ICE1: variants seen among roughly 807,000 people sequenced by gnomAD.
ICE1 encodes the protein interactor of little elongation complex ELL subunit 1.
In ICE1, 64 loss-of-function variants were observed where a neutral mutation model predicts 192.7. That is an observed-to-expected ratio of 0.33 (90% confidence interval 0.27 to 0.41). The LOEUF is 0.41. Ranked by LOEUF, ICE1 falls within the 10% of genes least tolerant of loss-of-function variation. ICE1 has a pLI of 1.00. For synonymous variants in ICE1, 1,010 were observed against 984.5 expected, an observed-to-expected ratio of 1.03 and a Z score of -0.49; for missense variants, 2,708 against 2,696.0, an observed-to-expected ratio of 1.00 and a Z score of -0.10.
intron 16 of ICE1, among the ~76,000 whole-genome samples, chr5:5,475,761 A>G (rs1739288200): frequency 6.6e-6 from 1 of 152,240 alleles, no homozygotes; most frequent in Non-Finnish European, 1.5e-5. Flanking sequence ...ACAAGATGCA[A>G]GCACTGAATT....
intron 16 of ICE1, among the ~76,000 whole-genome samples, chr5:5,474,209 CAA>C (rs199608820): frequency 5.8e-5 from 7 of 120,544 alleles, no homozygotes; most frequent in Non-Finnish European, 1.8e-5. Context: ...GACTTCATCT[CAA>C]AAAAAAAAAA....
Position 5,462,581 on chromosome 5 carries a change from C to G in ICE1, c.3247C>G (p.Gln1083Glu), listed in dbSNP as rs772904786. 1.2e-6 allele frequency: 2 copies of G among 1,613,994 alleles called. No individual in the cohort carries two copies. Among genetic ancestry groups the G allele is most frequent in the Non-Finnish European group, 1.7e-6 (2 of 1,179,890 alleles). ...SAFCRKHGET[Q>E]DTSQSSLPGT... ...ATTTTGCAGAAAACATGGAGAGACACAGGATACCTCCCAAAGTAGCCTGCC... is the reference window on the plus strand; with the variant it reads ...ATTTTGCAGAAAACATGGAGAGACAGAGGATACCTCCCAAAGTAGCCTGCC... The change falls in exon 13 of 19, where the codon CAG becomes GAG. Residue 1083 changes from glutamine to glutamate, a missense_variant. This residue lies in a region of ICE1 where 2,366 missense variants were observed against 2,276.6 expected (regional missense o/e 1.04). Transcript: ENST00000296564.
rs548485559 is a variant in ICE1, at chr5:5,476,708, C to T, written c.6520+629C>T. 5.9e-5 allele frequency among the ~76,000 whole-genome samples: 9 copies of T among 152,232 alleles called. No homozygotes were observed. The South Asian group carries it at 1.9e-3, about 32-fold the overall frequency. On this transcript the variant is annotated intron_variant, in intron 17 of 18. Transcript: ENST00000296564. ...AGAGCTTGCTCACCACACGGATGGC[C>T]CAAGGCATTCATGAGGGATCCGCTC...
intron 12 of ICE1, 88 bp from the exon 13 acceptor site, chr5:5,460,348 G>T (rs929113345): frequency 1.3e-5 from 11 of 870,216 alleles, no homozygotes; most frequent in Non-Finnish European, 1.9e-5. Context: ...TTCAGGAAAC[G>T]TGTACTTTTA....
intron 17 of ICE1, among the ~76,000 whole-genome samples, chr5:5,476,924 A>C (rs1490996634): frequency 6.6e-6 from 1 of 152,206 alleles, no homozygotes; most frequent in Admixed American, 6.5e-5. Flanking sequence ...GTTTAAAAAT[A>C]TTTTAAATGA....
At position 5,457,676 on chromosome 5, in the gene ICE1, C is replaced by A; in HGVS notation, c.1036C>A (p.Pro346Thr). ...FFKLPPPLLS[P>T]VPSPPPMSSP... The stretch of plus-strand genomic sequence containing the variant: ...CAAACTTCCCCCTCCTCTTCTGTCA[C>A]CAGTGCCCTCGCCCCCTCCGATGTC... Residue 346 changes from proline (P) to threonine (T), a missense_variant, in exon 12 of 19, where the codon CCA becomes ACA. This residue lies in a region of ICE1 where 2,366 missense variants were observed against 2,276.6 expected (regional missense o/e 1.04). Coordinates refer to ENST00000296564, the MANE Select transcript of ICE1 (RefSeq NM_015325.3). 1 of 1,613,932 alleles carries A rather than the reference C, an allele frequency of 6.2e-7. No homozygotes were observed. Among genetic ancestry groups the A allele is most frequent in the Non-Finnish European group, 8.5e-7 (1 of 1,179,880 alleles).
intron 11 of ICE1, among the ~76,000 whole-genome samples, chr5:5,455,691 CTTTTG>C (rs1738563226): frequency 6.6e-6 from 1 of 152,078 alleles, no homozygotes; most frequent in Non-Finnish European, 1.5e-5. Flanking sequence ...AAGACATATT[CTTTTG>C]TTTTAACTTT....
rs1739730677 is a variant in ICE1 at position 5,489,507 on chromosome 5, G to T, written c.*177G>T. On this transcript the variant is annotated 3_prime_UTR_variant, in exon 19 of 19. Transcript: ENST00000296564. ...GACAGGAGAAACAAGCAGTCGCATA[G>T]TCGTTTTTCCCTAAATCTAATACGT... 1 of 555,746 alleles carries T rather than the reference G, an allele frequency of 1.8e-6. No individual in the cohort carries two copies. Among genetic ancestry groups the T allele is most frequent in the South Asian group, 3.2e-5 (1 of 31,552 alleles). 34.4% of individuals were successfully genotyped at this position (555,746 alleles called of 1,614,324 possible). A position where few individuals can be genotyped will look rare whatever the true frequency, so the allele number is the denominator to read the frequency against.
rs1395576423 is a variant in ICE1 at position 5,462,687 on chromosome 5, A to C, written c.3353A>C (p.Glu1118Ala). 1 of 1,613,930 alleles carries C rather than the reference A, an allele frequency of 6.2e-7. No individual in the cohort carries two copies. The change falls in exon 13 of 19, where the codon GAG (glutamate) becomes GCG (alanine). Residue 1118 changes from glutamate (E) to alanine (A), a missense_variant. Around this residue, in one of 2 missense-constraint regions of ICE1, gnomAD observed 2,366 missense variants for 2,276.6 expected, o/e 1.04. Coordinates refer to ENST00000296564, the MANE Select transcript of ICE1 (RefSeq NM_015325.3). ...GAGAGTGAGGCATTTAGCTGCAGTG[A>C]GGGGAGCGAACAGCAAGATGCTCCT... is the stretch of plus-strand genomic sequence containing the variant. ...EVESEAFSCS[E>A]GSEQQDAPDD...
chr5:5,474,014 C>T (rs758966433), intron 16 of ICE1, among the ~76,000 whole-genome samples: 29 of 151,954 alleles, frequency 1.9e-4, no homozygotes, highest in Non-Finnish European at 3.5e-4. Context: ...ATCGAGACCA[C>T]CCTGGCTAAC....
intron 17 of ICE1, among the ~76,000 whole-genome samples, chr5:5,483,511 T>C (rs1739563445): frequency 6.6e-6 from 1 of 152,190 alleles, no homozygotes. Flanking sequence ...AATGCTTGAA[T>C]TGCTCTAGAG....
chr5:5,423,505 C>G (rs1329827576), intron 1 of ICE1, among the ~76,000 whole-genome samples: 1 of 152,142 alleles, frequency 6.6e-6, no homozygotes, highest in Non-Finnish European at 1.5e-5. Context: ...TGTGCCATCC[C>G]GAGGCTAATT....
Position 5,454,595 on chromosome 5 carries a change from C to T in ICE1, c.648C>T (p.Asn216=), listed in dbSNP as rs1738532698. The T allele has an allele frequency of 1.2e-6, 2 of 1,613,474 alleles. No individual in the cohort carries two copies. The highest frequency in any genetic ancestry group is 2.7e-5 in the African/African-American group (2 of 74,914). ...LLLKELWLCV[N]TTHRLPGEGS... Reference sequence around the variant, plus strand: ...TGAAGGAACTCTGGCTCTGTGTAAACACAACACACAGACTACCTGGTGAAG... The same window carrying T: ...TGAAGGAACTCTGGCTCTGTGTAAATACAACACACAGACTACCTGGTGAAG... Residue 216 remains asparagine, a synonymous_variant, in exon 11 of 19, where the codon AAC becomes AAT. Transcript: ENST00000296564.
chr5:5,467,195 A>G (rs1039030440), intron 14 of ICE1, among the ~76,000 whole-genome samples: 4 of 152,062 alleles, frequency 2.6e-5, no homozygotes, highest in Non-Finnish European at 5.9e-5. Flanking sequence ...TGCCCACTTC[A>G]TTTCTTTGTT....
chr5:5,481,887 G>C (rs1033021440), intron 17 of ICE1, among the ~76,000 whole-genome samples: 1 of 152,212 alleles, frequency 6.6e-6, no homozygotes, highest in African/African-American at 2.4e-5. Context: ...TAGCCTAGGT[G>C]TGTAGTGGCT....
At position 5,462,665 on chromosome 5, in the gene ICE1, A is replaced by T. The variant is rs763720943; in HGVS notation, c.3331A>T (p.Ser1111Cys). Reference sequence around the variant, plus strand: ...GGGGGGAGACGACACTGAGGTAGAGAGTGAGGCATTTAGCTGCAGTGAGGG... The same window carrying T: ...GGGGGGAGACGACACTGAGGTAGAGTGTGAGGCATTTAGCTGCAGTGAGGG... ...REGGDDTEVE[S>C]EAFSCSEGSE... Residue 1111 changes from serine (S) to cysteine (C), a missense_variant, in exon 13 of 19, where the codon AGT becomes TGT. Physicochemically the swap from Ser to Cys is moderately radical, Grantham distance 112 (BLOSUM62 -1). Around this residue, in one of 2 missense-constraint regions of ICE1, gnomAD observed 2,366 missense variants for 2,276.6 expected, o/e 1.04. Transcript: ENST00000296564. 2.5e-6 allele frequency: 4 copies of T among 1,613,928 alleles called. No individual in the cohort carries two copies. The highest frequency in any genetic ancestry group is 2.5e-6 in the Non-Finnish European group (3 of 1,179,862).
chr5:5,442,676 GTA>G (rs753035254), intron 5 of ICE1, among the ~76,000 whole-genome samples: 7 of 152,168 alleles, frequency 4.6e-5, no homozygotes, highest in Non-Finnish European at 8.8e-5. Flanking sequence ...TTAAAGAAAT[GTA>G]TAGTTATCAT....
At chr5:5,425,604 T>A (rs1348149350) in intron 1 of ICE1, among the ~76,000 whole-genome samples, 2 of 152,168 alleles carry the variant, frequency 1.3e-5, no homozygotes, top group Non-Finnish European at 1.5e-5. Flanking sequence ...TTGTGCAAAG[T>A]GAGTCTAGAA....
rs1235131910 is a variant in ICE1 at position 5,461,919 on chromosome 5, C to T, written c.2585C>T (p.Thr862Ile). Residue 862 changes from threonine (T) to isoleucine (I), a missense_variant, in exon 13 of 19, where the codon ACA becomes ATA. Physicochemically the swap from Thr to Ile is moderately conservative, Grantham distance 89 (BLOSUM62 -1). Transcript: ENST00000296564. ...TTGCCTAATCAAGTATCAGTTATCA[C>T]AAAACAGACAAGACCTGAAAAGGTT... is the stretch of plus-strand genomic sequence containing the variant. ...SVLPNQVSVI[T>I]KQTRPEKVQS... 1 of 1,613,820 alleles carries T rather than the reference C, an allele frequency of 6.2e-7. No homozygotes were observed. Among genetic ancestry groups the T allele is most frequent in the African/African-American group, 1.3e-5 (1 of 75,048 alleles).
Sources: allele counts gnomAD v4.1 joint callset (sites outside exome capture counted in the v4.1 genomes callset), GRCh38; gene constraint gnomAD v4.1.1; regional missense constraint gnomAD v4.1.1; transcripts MANE v1.5; gene names NCBI Gene and HGNC (gene_info 2026-07-23, HGNC 2026-07-21).